The following TMEM132D variants were observed in gnomAD, a reference collection of about 807,000 sequenced individuals.
TMEM132D encodes the protein mature OL transmembrane protein.
A neutral mutation model predicts 62.3 loss-of-function variants in TMEM132D; 21 were observed. The observed-to-expected ratio is 0.34, with a 90% CI of 0.24 to 0.49. TMEM132D has a LOEUF of 0.49. Ranked by LOEUF, TMEM132D falls within the 20% of genes least tolerant of loss-of-function variation. TMEM132D has a pLI of 0.99. For synonymous variants in TMEM132D, 621 were observed against 575.6 expected (o/e 1.08, Z -1.13); for missense variants, 1,346 against 1,402.8 (o/e 0.96, Z 0.65).
intron 5 of TMEM132D, among the ~76,000 whole-genome samples, chr12:129,182,142 A>C (rs1445775199): frequency 6.6e-5 from 10 of 152,106 alleles, no homozygotes; most frequent in Admixed American, 6.6e-4. Flanking sequence ...TGAGTGGATC[A>C]CCTGGGGTCA....
chr12:129,342,714 C>T (rs1869536314), intron 3 of TMEM132D, among the ~76,000 whole-genome samples: 1 of 151,916 alleles, frequency 6.6e-6, no homozygotes, highest in South Asian at 2.1e-4. Context: ...ACAAAGAACT[C>T]AAACAAACTT....
intron 3 of TMEM132D, among the ~76,000 whole-genome samples, chr12:129,504,470 G>C (rs1321047955): frequency 6.6e-6 from 1 of 151,984 alleles, no homozygotes; most frequent in Non-Finnish European, 1.5e-5. Context: ...ATTTAAGCTG[G>C]GTGGGTTTTA....
chr12:129,372,857 C>T (rs181103466), intron 3 of TMEM132D, among the ~76,000 whole-genome samples: 1 of 152,166 alleles, frequency 6.6e-6, no homozygotes, highest in African/African-American at 2.4e-5. Flanking sequence ...AAATAAAGTG[C>T]ACAATAAAGG....
At chr12:129,341,966 G>A (rs1382466709) in intron 3 of TMEM132D, among the ~76,000 whole-genome samples, 2 of 152,132 alleles carry the variant, frequency 1.3e-5, no homozygotes, top group Non-Finnish European at 2.9e-5. Context: ...CTCATGGGTA[G>A]GAAGAATCAA....
intron 2 of TMEM132D, among the ~76,000 whole-genome samples, chr12:129,673,177 G>A (rs970747832): frequency 2.0e-5 from 3 of 149,672 alleles, no homozygotes; most frequent in Admixed American, 7.6e-5. Flanking sequence ...CCTCTGCTAC[G>A]CCCTAGCAAC....
chr12:129,242,827 T>C (rs1320593242), intron 4 of TMEM132D, among the ~76,000 whole-genome samples: 2 of 152,254 alleles, frequency 1.3e-5, no homozygotes, highest in Non-Finnish European at 2.9e-5. Flanking sequence ...ATAAGTTCTT[T>C]AATCGTTTAA....
chr12:129,114,986 C>G lies in TMEM132D; in HGVS notation c.1444-30284G>C, dbSNP rs548186356. Among the ~76,000 whole-genome samples, 56 of 152,232 alleles carry G rather than the reference C, an allele frequency of 3.7e-4. No homozygotes were observed. In the South Asian group the frequency reaches 5.4e-3, roughly 15 times the overall value. On this transcript the variant is annotated intron_variant, in intron 5 of 8. Transcript: ENST00000422113. ...GACTGATAATGCTGCCATGAACCATCCTGTACGTATTTTTTGATGAAGACA... is the reference window on the plus strand; with the variant it reads ...GACTGATAATGCTGCCATGAACCATGCTGTACGTATTTTTTGATGAAGACA...
chr12:129,174,565 A>G (rs537331026), intron 5 of TMEM132D, among the ~76,000 whole-genome samples: 1 of 152,254 alleles, frequency 6.6e-6, no homozygotes, highest in East Asian at 1.9e-4. Flanking sequence ...TTATAGTAAA[A>G]TGATTTATAT....
In TMEM132D at chr12:129,084,577, C is replaced by T. The variant is rs1214094253; in HGVS notation, c.1569G>A (p.Arg523=). The change falls in exon 6 of 9, where the codon CGG becomes CGA. Residue 523 remains arginine (R), a synonymous_variant. Coordinates refer to ENST00000422113, the MANE Select transcript of TMEM132D (RefSeq NM_133448.3). Reference sequence around the variant, plus strand: ...CGGAGACCTCGATCTGCAGCGGAAGCCGGGGCACCCACACCGTCATCTCCA... The same window carrying T: ...CGGAGACCTCGATCTGCAGCGGAAGTCGGGGCACCCACACCGTCATCTCCA... ...SPLEMTVWVP[R]LPLQIEVSDT... 1.2e-6 allele frequency: 2 copies of T among 1,613,946 alleles called. No individual in the cohort carries two copies. The highest frequency in any genetic ancestry group is 1.3e-5 in the African/African-American group (1 of 74,922).
intron 2 of TMEM132D, among the ~76,000 whole-genome samples, chr12:129,605,063 C>G (rs139372007): frequency 3.3e-5 from 5 of 152,000 alleles, no homozygotes; most frequent in African/African-American, 1.2e-4. Flanking sequence ...AGTCACTTAC[C>G]CTTAAAAATA....
intron 5 of TMEM132D, among the ~76,000 whole-genome samples, chr12:129,153,744 G>A (rs1877147699): frequency 1.3e-5 from 2 of 152,154 alleles, no homozygotes; most frequent in Admixed American, 1.3e-4. Context: ...GCTCAGGTGT[G>A]CATCAGTGAC....
Position 129,592,876 on chromosome 12 carries a change from C to G in TMEM132D, c.969-61671G>C, listed in dbSNP as rs538635728. 5.3e-5 allele frequency among the ~76,000 whole-genome samples: 8 copies of G among 152,232 alleles called. No individual in the cohort carries two copies. The East Asian group carries it at 1.2e-3, about 22-fold the overall frequency. On this transcript the variant is annotated intron_variant, in intron 2 of 8. Coordinates refer to ENST00000422113, the MANE Select transcript of TMEM132D (RefSeq NM_133448.3). ...TTTCTGGAAGACACAGGAAAGAGGA[C>G]TATTTTATTAGTAAAAACCTCTGTA...
intron 5 of TMEM132D, among the ~76,000 whole-genome samples, chr12:129,137,292 C>T (rs966879637): frequency 6.6e-6 from 1 of 151,850 alleles, no homozygotes; most frequent in East Asian, 1.9e-4. Flanking sequence ...ACCATCATCA[C>T]TATCACTATC....
intron 2 of TMEM132D, among the ~76,000 whole-genome samples, chr12:129,656,743 A>T (rs1880092547): frequency 6.6e-6 from 1 of 152,154 alleles, no homozygotes; most frequent in Non-Finnish European, 1.5e-5. Flanking sequence ...TGTGCTTGAA[A>T]CACTTTTTTT....
chr12:129,126,825 C>T (rs1011533384), intron 5 of TMEM132D, among the ~76,000 whole-genome samples: 17 of 152,166 alleles, frequency 1.1e-4, no homozygotes, highest in African/African-American at 3.9e-4. Context: ...TTATTAGCAT[C>T]AGGCAATTAC....
At chr12:129,383,782 T>C (rs921074466) in intron 3 of TMEM132D, among the ~76,000 whole-genome samples, 4 of 152,200 alleles carry the variant, frequency 2.6e-5, no homozygotes, top group Non-Finnish European at 4.4e-5. Flanking sequence ...CCTTGATTAG[T>C]ACAATGGTTC....
At chr12:129,364,255 T>C (rs1305052061) in intron 3 of TMEM132D, among the ~76,000 whole-genome samples, 1 of 152,188 alleles carries the variant, frequency 6.6e-6, no homozygotes, top group African/African-American at 2.4e-5. Flanking sequence ...AACAATAAAA[T>C]GGTCAATAAT....
At position 129,545,292 on chromosome 12, in the gene TMEM132D, A is replaced by G. The variant is rs775935129; in HGVS notation, c.969-14087T>C. On this transcript the variant is annotated intron_variant, in intron 2 of 8. Transcript: ENST00000422113. Reference sequence around the variant, plus strand: ...TACTGGCATTGGGGCCCTGGATTCAACCATTCCTGAAGCAAGATCTATGCC... The same window carrying G: ...TACTGGCATTGGGGCCCTGGATTCAGCCATTCCTGAAGCAAGATCTATGCC... Among the ~76,000 whole-genome samples, 125 of 152,322 alleles carry G rather than the reference A, an allele frequency of 8.2e-4. 1 individual carries two copies. Among genetic ancestry groups the G allele is most frequent in the Non-Finnish European group, 9.6e-4 (65 of 68,032 alleles).
intron 4 of TMEM132D, among the ~76,000 whole-genome samples, chr12:129,289,952 C>A (rs898311266): frequency 1.3e-5 from 2 of 152,162 alleles, no homozygotes; most frequent in African/African-American, 2.4e-5. Context: ...GCACAATGTG[C>A]AGCTCTGGAT....
Sources: allele counts gnomAD v4.1 joint callset (sites outside exome capture counted in the v4.1 genomes callset), GRCh38; gene constraint gnomAD v4.1.1; transcripts MANE v1.5; gene names NCBI Gene and HGNC (gene_info 2026-07-23, HGNC 2026-07-21).